Variants in PBRM1 observed in about 807,000 individuals in gnomAD.
PBRM1 encodes the protein protein polybromo-1.
A neutral mutation model predicts 194.5 loss-of-function variants in PBRM1; 27 were observed. The ratio of observed to expected loss-of-function variants is 0.14; its 90% confidence interval spans 0.10 to 0.19. The LOEUF is 0.19. Among genes scored for constraint, PBRM1 ranks in the 10% least tolerant of loss-of-function variants. The pLI is 1.00. For missense variants in PBRM1, 1,466 were observed against 2,077.2 expected (o/e 0.71, Z 5.72); for synonymous variants, 655 against 693.2 (o/e 0.94, Z 0.87).
At chr3:52,627,358 C>T (rs1031229949) in exon 13 of PBRM1, 1 of 1,611,766 alleles carries the variant, frequency 6.2e-7, no homozygotes, top group African/African-American at 1.3e-5. Context: ...CTGGCAAGCT[C>T]TTTCTTCTTT....
chr3:52,587,307 A>C (rs200349168), intron 19 of PBRM1, 46 bp downstream of exon 21: 2 of 1,355,566 alleles, frequency 1.5e-6, no homozygotes, highest in Non-Finnish European at 2.1e-6. Flanking sequence ...TTAAAATTTT[A>C]TTCCTAGGGA....
In PBRM1 at chr3:52,563,292, T is replaced by C. The variant is rs1458865250; in HGVS notation, c.4077A>G (p.Thr1359=). ...AACCTGTCACCTTCACCTGTGGGGG[T>C]GTGTAGGGCATGAGGTCCAGCTCAC... The change falls in exon 24 of 30, where the codon ACA becomes ACG. Residue 1359 remains threonine, a synonymous_variant. Transcript: ENST00000296302. 4 of 1,612,820 alleles carry C rather than the reference T, an allele frequency of 2.5e-6. No homozygotes were observed. In the Admixed American group the frequency reaches 6.7e-5, roughly 27 times the overall value.
intron 20 of PBRM1, among the ~76,000 whole-genome samples, chr3:52,581,646 T>G (rs932807968): frequency 6.7e-6 from 1 of 148,932 alleles, no homozygotes; most frequent in Non-Finnish European, 1.5e-5. Context: ...AAGTAATTCT[T>G]TTTTTTTTTT....
chr3:52,587,660 T>A (rs1278569902), intron 18 of PBRM1, 150 bp from the exon 21 acceptor site: 5 of 609,220 alleles, frequency 8.2e-6, no homozygotes, highest in Non-Finnish European at 1.4e-5. Flanking sequence ...TCCTCCAACC[T>A]CAGCCTCCTG....
At chr3:52,574,910 T>C (rs1178739152) in intron 22 of PBRM1, among the ~76,000 whole-genome samples, 1 of 152,154 alleles carries the variant, frequency 6.6e-6, no homozygotes, top group African/African-American at 2.4e-5. Context: ...CAAAAATCTT[T>C]TATTTTTTGA....
rs778993265 is a variant in PBRM1 at position 52,571,626 on chromosome 3, C to CAA, written c.3691+4913_3691+4914dup. ...GGGCAACAAGAGCGAAACTCCATCT[C>CAA]AAAAAAAAAAAAAAAAAAAAAAAAA... is the stretch of plus-strand genomic sequence containing the variant. On this transcript the variant is annotated intron_variant, in intron 22 of 29. Coordinates refer to ENST00000296302, the Ensembl canonical transcript of PBRM1. Among the ~76,000 whole-genome samples, 61 of 38,718 alleles carry CAA rather than the reference C, an allele frequency of 1.6e-3. 4 individuals are homozygous for CAA. Among genetic ancestry groups the CAA allele is most frequent in the African/African-American group, 4.1e-3 (40 of 9,734 alleles). 25.4% of individuals were successfully genotyped at this position (38,718 alleles called of 152,430 possible).
At chr3:52,564,097 C>G (rs748892487) in exon 23 of PBRM1, 1 of 1,613,610 alleles carries the variant, frequency 6.2e-7, no homozygotes, top group African/African-American at 1.3e-5. Context: ...AGAGTGAAAA[C>G]CTCTTCAATC....
chr3:52,563,569 TAAC>T, intron 23 of PBRM1, 76 bp from the exon 26 acceptor site: 1 of 1,016,596 alleles, frequency 9.8e-7, no homozygotes, highest in Non-Finnish European at 1.5e-6. Flanking sequence ...TGTTCCACCT[TAAC>T]AACTAGAAGT....
intron 21 of PBRM1, among the ~76,000 whole-genome samples, chr3:52,576,921 A>T (rs143218602): frequency 6.6e-6 from 1 of 152,218 alleles, no homozygotes; most frequent in Non-Finnish European, 1.5e-5. Flanking sequence ...CAAGTGAAAA[A>T]AATTTTTTAA....
chr3:52,650,178 C>G (rs907578950), intron 6 of PBRM1, among the ~76,000 whole-genome samples: 1 of 151,736 alleles, frequency 6.6e-6, no homozygotes, highest in Non-Finnish European at 1.5e-5. Flanking sequence ...GCCTGGCCAA[C>G]ATGGTGAAAC....
intron 20 of PBRM1, among the ~76,000 whole-genome samples, chr3:52,580,659 G>A (rs2090932828): frequency 6.6e-6 from 1 of 152,204 alleles, no homozygotes; most frequent in African/African-American, 2.4e-5. Context: ...ACTGCGCCCA[G>A]CCAAACATGC....
intron 11 of PBRM1, among the ~76,000 whole-genome samples, chr3:52,633,793 C>T (rs998856126): frequency 1.3e-5 from 2 of 151,996 alleles, no homozygotes; most frequent in Non-Finnish European, 2.9e-5. Flanking sequence ...GCTTATTAGC[C>T]AGCTGTATAT....
chr3:52,636,792 T>C lies in PBRM1; in HGVS notation c.1088-1977A>G, dbSNP rs913143436. On this transcript the variant is annotated intron_variant, in intron 10 of 29. Transcript: ENST00000296302. ...AAAAAAAAAAAAAAAAAAAAGAATT[T>C]AATTAGGCCAGGCGCAGTGACTCAC... 5.2e-5 allele frequency among the ~76,000 whole-genome samples: 5 copies of C among 95,758 alleles called. 1 individual carries two copies. Among genetic ancestry groups the C allele is most frequent in the Non-Finnish European group, 1.2e-4 (5 of 43,190 alleles). 62.8% of individuals were successfully genotyped at this position (95,758 alleles called of 152,430 possible).
chr3:52,661,316 C>G (rs752002071), intron 4 of PBRM1, among the ~76,000 whole-genome samples: 3 of 152,124 alleles, frequency 2.0e-5, no homozygotes, highest in Non-Finnish European at 1.5e-5. Context: ...TGAGCCACCT[C>G]GCCTGGCCAT....
intron 14 of PBRM1, 68 bp downstream of exon 16, chr3:52,617,194 A>G: frequency 7.8e-7 from 1 of 1,289,630 alleles, no homozygotes; most frequent in Admixed American, 2.4e-5. Context: ...GTCTCTCAAA[A>G]TGCATTATTC....
chr3:52,652,040 G>C (rs2096508980), intron 5 of PBRM1, among the ~76,000 whole-genome samples: 1 of 152,164 alleles, frequency 6.6e-6, no homozygotes, highest in Non-Finnish European at 1.5e-5. Context: ...TTAAAACTTG[G>C]TATTTTGAGT....
intron 15 of PBRM1, among the ~76,000 whole-genome samples, chr3:52,612,258 C>CAA (rs566481465): frequency 0.02 from 441 of 22,042 alleles, 1 homozygote; most frequent in Middle Eastern, 0.083. Flanking sequence ...GATTCCGTCT[C>CAA]AAAAAAAAAA....
chr3:52,650,576 T>C (rs748705310), intron 6 of PBRM1, among the ~76,000 whole-genome samples: 1 of 152,146 alleles, frequency 6.6e-6, no homozygotes, highest in Admixed American at 6.6e-5. Flanking sequence ...TGTAACACAC[T>C]GTTTTCCTTT....
chr3:52,561,620 A>C (rs1207634464), intron 25 of PBRM1, 147 bp downstream of exon 27: 5 of 735,812 alleles, frequency 6.8e-6, no homozygotes, highest in East Asian at 4.9e-5. Context: ...CTAGCATCTA[A>C]AATACTGGTT....
Sources: gnomAD v4.1 joint callset for allele counts (sites outside exome capture counted in the v4.1 genomes callset) on GRCh38, gnomAD v4.1.1 for gene constraint, MANE v1.5 for transcripts, NCBI Gene and HGNC (gene_info 2026-07-23, HGNC 2026-07-21) for gene names.